LINGO2: variants seen among roughly 807,000 people sequenced by gnomAD.
LINGO2 encodes leucine rich repeat and Ig domain containing 2, also known as leucine-rich repeat and immunoglobulin-like domain-containing nogo receptor-interacting protein 2.
LINGO2 carries 14 observed loss-of-function variants against 30.6 expected under a neutral mutation model. That is an observed-to-expected ratio of 0.46 (90% CI 0.30 to 0.72). The LOEUF is 0.72. Ranked by LOEUF, LINGO2 falls within the 30% of genes least tolerant of loss-of-function variation. The pLI is 0.07. For missense variants in LINGO2, 729 were observed against 751.7 expected (o/e 0.97, Z 0.35); for synonymous variants, 317 against 288.5 (o/e 1.10, Z -1.00).
the LINGO2 span, among the ~76,000 whole-genome samples, chr9:28,702,308 T>C: frequency 1.3e-5 from 2 of 151,804 alleles, no homozygotes; most frequent in African/African-American, 4.8e-5. Flanking sequence ...CCACTATTCT[T>C]AGTTTATTGA....
the LINGO2 span, among the ~76,000 whole-genome samples, chr9:28,799,067 T>G: frequency 6.6e-6 from 1 of 152,066 alleles, no homozygotes; most frequent in African/African-American, 2.4e-5. Context: ...GTAGTGAGTT[T>G]GTATAATTTT....
chr9:28,248,974 C>A (rs1204969451), intron 4 of LINGO2, among the ~76,000 whole-genome samples: 1 of 152,104 alleles, frequency 6.6e-6, no homozygotes, highest in Non-Finnish European at 1.5e-5. Flanking sequence ...ATGACAGGAA[C>A]AGTGCTTTTC....
intron 1 of LINGO2, among the ~76,000 whole-genome samples, chr9:28,528,909 A>T (rs147739986): frequency 3.9e-5 from 6 of 152,284 alleles, no homozygotes; most frequent in Non-Finnish European, 8.8e-5. Flanking sequence ...ATAAATCACT[A>T]GCTACTTTAA....
intron 1 of LINGO2, among the ~76,000 whole-genome samples, chr9:28,616,012 G>A (rs1826116804): frequency 6.6e-6 from 1 of 152,126 alleles, no homozygotes; most frequent in Non-Finnish European, 1.5e-5. Flanking sequence ...AGGGAGGAAA[G>A]ATTATTGATT....
At chr9:28,080,593 AC>A (rs1214871479) in intron 4 of LINGO2, 1 of 152,212 alleles carries the variant, frequency 6.6e-6, no homozygotes, top group Non-Finnish European at 1.5e-5. Flanking sequence ...AGCAAGTATC[AC>A]CATGGGAAAA....
At chr9:28,908,573 G>A in the LINGO2 span, among the ~76,000 whole-genome samples, 1 of 151,806 alleles carries the variant, frequency 6.6e-6, no homozygotes, top group Non-Finnish European at 1.5e-5. Context: ...TAAAAAGTTA[G>A]ACAACAAAAA....
At chr9:28,969,563 A>G in the LINGO2 span, among the ~76,000 whole-genome samples, 2 of 152,164 alleles carry the variant, frequency 1.3e-5, no homozygotes, top group Non-Finnish European at 2.9e-5. Flanking sequence ...AAAAGACTAA[A>G]AACAGGTAGA....
At chr9:28,801,107 A>AT in the LINGO2 span, among the ~76,000 whole-genome samples, 3 of 152,088 alleles carry the variant, frequency 2.0e-5, no homozygotes, top group Non-Finnish European at 4.4e-5. Flanking sequence ...AAAGGATCTC[A>AT]TTTTGAAGCA....
intron 4 of LINGO2, among the ~76,000 whole-genome samples, chr9:28,143,419 C>G (rs1827729015): frequency 6.6e-6 from 1 of 152,078 alleles, no homozygotes; most frequent in Admixed American, 6.5e-5. Context: ...TAATTTGCAT[C>G]TTGAAATTGA....
chr9:28,777,015 G>C, the LINGO2 span, among the ~76,000 whole-genome samples: 4 of 152,032 alleles, frequency 2.6e-5, no homozygotes, highest in African/African-American at 9.7e-5. Context: ...TTGTTTAAAA[G>C]TGTGTGGCAC....
chr9:29,151,781 A>C, the LINGO2 span, among the ~76,000 whole-genome samples: 2 of 152,206 alleles, frequency 1.3e-5, no homozygotes, highest in African/African-American at 4.8e-5. Flanking sequence ...AGATTTAGAC[A>C]GATATACAGT....
chr9:28,049,880 A>G (rs749946391), intron 4 of LINGO2, among the ~76,000 whole-genome samples: 5 of 150,806 alleles, frequency 3.3e-5, no homozygotes, highest in South Asian at 2.1e-4. Flanking sequence ...AGATTTTTAA[A>G]TCAAGAGAGC....
At chr9:28,266,304 A>C (rs1237544161) in intron 4 of LINGO2, among the ~76,000 whole-genome samples, 2 of 152,006 alleles carry the variant, frequency 1.3e-5, no homozygotes, top group Non-Finnish European at 2.9e-5. Flanking sequence ...TGTTTCACAA[A>C]GAAAGAACTT....
chr9:28,779,749 C>A, the LINGO2 span, among the ~76,000 whole-genome samples: 2 of 152,036 alleles, frequency 1.3e-5, no homozygotes, highest in Non-Finnish European at 2.9e-5. Context: ...TTCTAATGTA[C>A]ATGTTATTTT....
At chr9:28,302,610 G>A (rs1795604267) in intron 3 of LINGO2, among the ~76,000 whole-genome samples, 1 of 152,124 alleles carries the variant, frequency 6.6e-6, no homozygotes, top group Non-Finnish European at 1.5e-5. Flanking sequence ...AGTTGTGGCT[G>A]TAGTTAGCCC....
chr9:28,344,708 A>G (rs80036029), intron 3 of LINGO2, among the ~76,000 whole-genome samples: 1,847 of 149,960 alleles, frequency 0.012, 44 homozygotes, highest in African/African-American at 0.042. Flanking sequence ...AAAAATATCC[A>G]CTCTCAAAAA....
chr9:28,691,610 A>T, the LINGO2 span, among the ~76,000 whole-genome samples: 1 of 152,192 alleles, frequency 6.6e-6, no homozygotes, highest in Admixed American at 6.5e-5. Flanking sequence ...AAAGCAGTAC[A>T]TCTACATATT....
At chr9:27,999,161 A>G (rs1375740451) in intron 5 of LINGO2, among the ~76,000 whole-genome samples, 1 of 152,074 alleles carries the variant, frequency 6.6e-6, no homozygotes, top group Non-Finnish European at 1.5e-5. Flanking sequence ...TAGTGCACAT[A>G]ACTAAAAATG....
intron 4 of LINGO2, among the ~76,000 whole-genome samples, chr9:28,119,600 T>C (rs1469087734): frequency 1.3e-5 from 2 of 152,226 alleles, no homozygotes; most frequent in African/African-American, 2.4e-5. Flanking sequence ...ACAGCTCTTA[T>C]TAATTTTATC....
Sources: allele counts gnomAD v4.1 joint callset (sites outside exome capture counted in the v4.1 genomes callset), GRCh38; gene constraint gnomAD v4.1.1; transcripts MANE v1.5; gene names NCBI Gene and HGNC (gene_info 2026-07-23, HGNC 2026-07-21).